The following SOAT1 variants were observed in gnomAD, a reference collection of about 807,000 sequenced individuals.
The protein encoded by SOAT1 is acyl-coenzyme A:cholesterol acyltransferase 1.
Under a neutral mutation model 69.5 loss-of-function variants are expected in SOAT1, and 55 were observed. The observed-to-expected ratio is 0.79, with a 90% CI of 0.64 to 0.99. The LOEUF is 0.99. SOAT1 is among the 50% of genes least tolerant of loss of function. The pLI, the probability that SOAT1 is intolerant of heterozygous loss-of-function variation, is 0.00. For missense variants in SOAT1, 580 were observed against 669.3 expected (o/e 0.87, Z 1.47); for synonymous variants, 231 against 224.7 (o/e 1.03, Z -0.25).
rs1052480782 is a variant in SOAT1, at chr1:179,354,109, G to C, written c.*468G>C. On this transcript the variant is annotated 3_prime_UTR_variant, in exon 16 of 16. Transcript: ENST00000367619. ...GCTAATTGAACATGCAATTGGGGAA[G>C]AAAAAATGTAGAATGATTTTTGCTA... is the stretch of plus-strand genomic sequence containing the variant. The C allele has an allele frequency of 6.5e-6, 1 of 152,860 alleles. No individual in the cohort carries two copies. Among genetic ancestry groups the C allele is most frequent in the African/African-American group, 2.4e-5 (1 of 41,434 alleles). The allele number at this position is 152,860 out of a possible 1,614,324, so 9.5% of individuals were successfully genotyped here.
intron 3 of SOAT1, among the ~76,000 whole-genome samples, chr1:179,324,531 A>G (rs955568243): frequency 6.6e-6 from 1 of 152,196 alleles, no homozygotes; most frequent in Non-Finnish European, 1.5e-5. Context: ...TACTCAAAAG[A>G]TGTATTTACT....
At chr1:179,304,427 G>A (rs1380110798) in intron 2 of SOAT1, among the ~76,000 whole-genome samples, 2 of 151,958 alleles carry the variant, frequency 1.3e-5, no homozygotes, top group Non-Finnish European at 1.5e-5. Flanking sequence ...ACAAGCATGC[G>A]TCACCACGTG....
chr1:179,325,268 G>A (rs1249176277), intron 3 of SOAT1, among the ~76,000 whole-genome samples: 1 of 149,048 alleles, frequency 6.7e-6, no homozygotes, highest in East Asian at 2.0e-4. Flanking sequence ...TCCTGCATCA[G>A]CCTCCCGAGT....
At position 179,337,854 on chromosome 1, in the gene SOAT1, C is replaced by T. The variant is rs779450665; in HGVS notation, c.347C>T (p.Pro116Leu). 3 of 1,610,430 alleles carry T rather than the reference C, an allele frequency of 1.9e-6. No homozygotes were observed. The highest frequency in any genetic ancestry group is 1.3e-5 in the African/African-American group (1 of 74,786). Residue 116 changes from proline (P) to leucine (L), a missense_variant, in exon 5 of 16, where the codon CCA becomes CTA. Physicochemically the swap from Pro to Leu is moderately conservative, Grantham distance 98. Transcript: ENST00000367619. Reference sequence around the variant, plus strand: ...CTTCTCAGGGATTTGAGAGCACCTCCAGAACAAGGAAAGATTTTTATTGCA... The same window carrying T: ...CTTCTCAGGGATTTGAGAGCACCTCTAGAACAAGGAAAGATTTTTATTGCA... ...NHRAKDLRAP[P>L]EQGKIFIARR...
At chr1:179,336,612 T>G (rs1666167607) in intron 4 of SOAT1, among the ~76,000 whole-genome samples, 1 of 152,154 alleles carries the variant, frequency 6.6e-6, no homozygotes. Context: ...TGTTACAGAT[T>G]AGGAAACTAA....
intron 1 of SOAT1, among the ~76,000 whole-genome samples, chr1:179,297,891 G>A (rs1664706085): frequency 6.6e-6 from 1 of 151,268 alleles, no homozygotes; most frequent in South Asian, 2.1e-4. Context: ...AACCCCAGCT[G>A]CTCCAGAGGC....
intron 4 of SOAT1, 28 bp from the exon 5 acceptor site, chr1:179,337,809 A>G: frequency 7.1e-6 from 11 of 1,548,024 alleles, no homozygotes; most frequent in Non-Finnish European, 9.7e-6. Context: ...AAGTACTTAT[A>G]TCTTGTTTTA....
intron 1 of SOAT1, among the ~76,000 whole-genome samples, chr1:179,301,357 A>G (rs1260476911): frequency 1.3e-5 from 2 of 152,246 alleles, no homozygotes; most frequent in Admixed American, 6.5e-5. Flanking sequence ...TTAGGCCTTT[A>G]TAGTTTGACT....
At chr1:179,330,227 T>A (rs1398075277) in intron 3 of SOAT1, among the ~76,000 whole-genome samples, 2 of 151,972 alleles carry the variant, frequency 1.3e-5, no homozygotes, top group Admixed American at 1.3e-4. Flanking sequence ...GGGGTTGAAA[T>A]CATAAGGGTG....
At position 179,355,716 on chromosome 1, in the gene SOAT1, G is replaced by A. The variant is rs1042134125; in HGVS notation, c.*2075G>A. 2 of 152,348 alleles carry A rather than the reference G, an allele frequency of 1.3e-5. No homozygotes were observed. The highest frequency in any genetic ancestry group is 4.8e-5 in the African/African-American group (2 of 41,430). The allele number at this position is 152,348 out of a possible 1,614,324, so 9.4% of individuals were successfully genotyped here. A position where few individuals can be genotyped will look rare whatever the true frequency, so the allele number is the denominator to read the frequency against. On this transcript the variant is annotated 3_prime_UTR_variant, in exon 16 of 16. Transcript: ENST00000367619. ...CGCCTGGCTAATTTTTGTATTTTTA[G>A]TAGAGATGGGGTTTCACCCTGTTGG...
chr1:179,350,084 AAAT>A (rs1291660222), intron 13 of SOAT1, among the ~76,000 whole-genome samples: 1 of 152,208 alleles, frequency 6.6e-6, no homozygotes, highest in Admixed American at 6.5e-5. Flanking sequence ...ATATTTTTGA[AAAT>A]AGACTCAGAT....
intron 3 of SOAT1, among the ~76,000 whole-genome samples, chr1:179,333,998 C>T (rs569232951): frequency 4.6e-5 from 7 of 152,366 alleles, no homozygotes; most frequent in African/African-American, 1.7e-4. Context: ...CTGTGCTATA[C>T]CAAGGCTGCA....
At chr1:179,332,337 G>A (rs1003611585) in intron 3 of SOAT1, among the ~76,000 whole-genome samples, 4 of 152,040 alleles carry the variant, frequency 2.6e-5, no homozygotes, top group African/African-American at 7.2e-5. Flanking sequence ...TGCTTTTCCA[G>A]CCTTATCTCT....
intron 14 of SOAT1, 27 bp downstream of exon 14, chr1:179,350,458 C>T: frequency 1.2e-6 from 2 of 1,603,494 alleles, no homozygotes; most frequent in Non-Finnish European, 1.7e-6. Flanking sequence ...GCTGTGAGTA[C>T]TGGGTACTAT....
intron 5 of SOAT1, 141 bp downstream of exon 5, chr1:179,338,037 T>C (rs533058881): frequency 2.0e-6 from 1 of 504,460 alleles, no homozygotes; most frequent in African/African-American, 1.9e-5. Context: ...TGCTCTCTCT[T>C]GCTCCTTTCT....
rs200941112 is a variant in SOAT1 at position 179,339,520 on chromosome 1, G to A, written c.472G>A (p.Val158Ile). The A allele has an allele frequency of 6.2e-7, 1 of 1,610,744 alleles. No individual in the cohort carries two copies. The highest frequency in any genetic ancestry group is 2.2e-5 in the East Asian group (1 of 44,706). The change falls in exon 6 of 16, where the codon GTA (valine) becomes ATA (isoleucine). Residue 158 changes from valine (V) to isoleucine (I), a missense_variant. By Grantham distance (29) the Val-to-Ile change is conservative (BLOSUM62 3). Coordinates refer to ENST00000367619, the MANE Select transcript of SOAT1 (RefSeq NM_003101.6). ...LLILFILSTL[V>I]VDYIDEGRLV... ...CATTCTCTTTATCCTCAGCACACTT[G>A]TAGTAGATTACATTGATGAAGGAAG...
intron 4 of SOAT1, 66 bp downstream of exon 4, chr1:179,335,723 CT>C: frequency 6.9e-7 from 1 of 1,453,926 alleles, no homozygotes. Context: ...TGAAAATGGA[CT>C]GCGGCAAATA....
chr1:179,333,688 C>T (rs1666047216), intron 3 of SOAT1, among the ~76,000 whole-genome samples: 1 of 151,854 alleles, frequency 6.6e-6, no homozygotes, highest in Admixed American at 6.6e-5. Context: ...ACAAAATGGG[C>T]TGGGTGTGGT....
At chr1:179,340,226 T>TG (rs1343023979) in intron 6 of SOAT1, among the ~76,000 whole-genome samples, 1 of 152,192 alleles carries the variant, frequency 6.6e-6, no homozygotes, top group Non-Finnish European at 1.5e-5. Context: ...CAGGCATGGT[T>TG]GCTTGTGCCT....
Sources: gnomAD v4.1 joint callset for allele counts (sites outside exome capture counted in the v4.1 genomes callset) on GRCh38, gnomAD v4.1.1 for gene constraint, MANE v1.5 for transcripts, NCBI Gene and HGNC (gene_info 2026-07-23, HGNC 2026-07-21) for gene names.